PCGF3: variants seen among roughly 807,000 people sequenced by gnomAD.
PCGF3 encodes polycomb group RING finger protein 3.
In PCGF3, 7 loss-of-function variants were observed where a neutral mutation model predicts 33.1. That is an observed-to-expected ratio of 0.21 (90% confidence interval 0.12 to 0.40). PCGF3 has a LOEUF of 0.40. Ranked by LOEUF, PCGF3 falls within the 10% of genes least tolerant of loss-of-function variation. The pLI is 1.00. For synonymous variants in PCGF3, 153 were observed against 121.3 expected (o/e 1.26, Z -1.72); for missense variants, 211 against 313.3 (o/e 0.67, Z 2.46).
At chr4:761,066 T>TA (rs1745028303) in intron 8 of PCGF3, among the ~76,000 whole-genome samples, 1 of 152,250 alleles carries the variant, frequency 6.6e-6, no homozygotes, top group African/African-American at 2.4e-5. Context: ...AGGGTGAGGT[T>TA]ATAGTTCACA....
chr4:765,507 A>G (rs1363635239), intron 10 of PCGF3, among the ~76,000 whole-genome samples: 2 of 152,146 alleles, frequency 1.3e-5, no homozygotes, highest in African/African-American at 4.8e-5. Context: ...TGAAATCATC[A>G]ACCCCAGAGC....
chr4:742,258 A>G (rs1744127669), intron 6 of PCGF3, among the ~76,000 whole-genome samples: 2 of 149,864 alleles, frequency 1.3e-5, no homozygotes, highest in South Asian at 4.3e-4. Context: ...CTCTCTGCCC[A>G]GGCTCACGGG....
At chr4:752,261 C>T (rs1744550681) in intron 8 of PCGF3, among the ~76,000 whole-genome samples, 1 of 152,238 alleles carries the variant, frequency 6.6e-6, no homozygotes, top group African/African-American at 2.4e-5. Context: ...CTCCCGCAGT[C>T]CCTGCATCTG....
At position 751,576 on chromosome 4, in the gene PCGF3, C is replaced by T. The variant is rs575336144; in HGVS notation, c.462+6888C>T. 8.6e-5 allele frequency among the ~76,000 whole-genome samples: 13 copies of T among 151,738 alleles called. No homozygotes were observed. The East Asian group carries it at 1.5e-3, about 18-fold the overall frequency. ...AACTCTTAAGCCCTCCTCAGTCACT[C>T]GGATGAACTGATTAAATTCTGTGCT... On this transcript the variant is annotated intron_variant, in intron 8 of 10. Transcript: ENST00000362003.
At chr4:750,090 C>A (rs1560212410) in intron 8 of PCGF3, among the ~76,000 whole-genome samples, 1 of 152,252 alleles carries the variant, frequency 6.6e-6, no homozygotes. Context: ...CAGGCGTGAG[C>A]CCACGTGCCC....
intron 8 of PCGF3, among the ~76,000 whole-genome samples, chr4:754,189 C>T (rs1279833269): frequency 2.0e-5 from 3 of 152,206 alleles, no homozygotes; most frequent in Non-Finnish European, 1.5e-5. Flanking sequence ...ATACCCTGAG[C>T]AGGCTGGGGG....
chr4:733,570 A>G (rs970925980), intron 3 of PCGF3, 102 bp from the exon 4 acceptor site: 90 of 1,204,300 alleles, frequency 7.5e-5, no homozygotes, highest in Non-Finnish European at 9.8e-5. Context: ...CCCAGGCCTC[A>G]GGGCCTGCAC....
intron 8 of PCGF3, among the ~76,000 whole-genome samples, chr4:759,950 C>T (rs1434706759): frequency 6.9e-6 from 1 of 144,950 alleles, no homozygotes; most frequent in African/African-American, 2.5e-5. Context: ...GTCTTTCTCC[C>T]CACGGCCTCT....
chr4:753,631 A>T (rs1744628143), intron 8 of PCGF3, among the ~76,000 whole-genome samples: 1 of 147,604 alleles, frequency 6.8e-6, no homozygotes. Context: ...CGACAGAGCG[A>T]GAGTCCGGTC....
chr4:765,388 G>A (rs530815306), intron 10 of PCGF3, among the ~76,000 whole-genome samples: 6 of 151,816 alleles, frequency 4.0e-5, no homozygotes, highest in East Asian at 3.9e-4. Context: ...AGCCAAGATC[G>A]TGCCACTGCA....
intron 1 of PCGF3, among the ~76,000 whole-genome samples, chr4:728,642 CTGTT>C (rs1431393954): frequency 6.6e-6 from 1 of 152,146 alleles, no homozygotes; most frequent in African/African-American, 2.4e-5. Flanking sequence ...AATAATTGAC[CTGTT>C]TGTTAGTTAT....
intron 7 of PCGF3, 45 bp downstream of exon 7, chr4:743,629 C>T: frequency 8.9e-7 from 1 of 1,124,246 alleles, no homozygotes; most frequent in Non-Finnish European, 1.4e-6. Context: ...GAATCCCCTG[C>T]ATGAGGCCTT....
At chr4:765,357 C>G (rs180932330) in intron 10 of PCGF3, among the ~76,000 whole-genome samples, 1 of 151,844 alleles carries the variant, frequency 6.6e-6, no homozygotes. Flanking sequence ...GGTGTGAACC[C>G]GGGAGACGAA....
intron 6 of PCGF3, among the ~76,000 whole-genome samples, chr4:738,336 C>A (rs1045914424): frequency 3.3e-5 from 5 of 152,254 alleles, no homozygotes; most frequent in Non-Finnish European, 5.9e-5. Flanking sequence ...AGAGTTCATT[C>A]ATGCAGGAAG....
chr4:724,351 C>G (rs1743237467), intron 1 of PCGF3, among the ~76,000 whole-genome samples: 2 of 152,208 alleles, frequency 1.3e-5, no homozygotes. Context: ...TGTGGGCCAC[C>G]ACAGCCGGCC....
intron 1 of PCGF3, among the ~76,000 whole-genome samples, chr4:714,859 C>T (rs956223599): frequency 1.3e-5 from 2 of 152,244 alleles, no homozygotes; most frequent in African/African-American, 4.8e-5. Flanking sequence ...TTCAAAAGTC[C>T]CTTTACAGCA....
exon 11 of PCGF3, chr4:769,769 C>T (rs569453152): frequency 3.0e-5 from 4 of 135,202 alleles, no homozygotes; most frequent in South Asian, 2.1e-4. Flanking sequence ...GCCTATCAGA[C>T]GCATTTTCCC....
chr4:719,863 C>T (rs541142046), intron 1 of PCGF3, among the ~76,000 whole-genome samples: 2 of 152,152 alleles, frequency 1.3e-5, no homozygotes, highest in South Asian at 2.1e-4. Flanking sequence ...TAGCCCAGCT[C>T]CTCCCTTGGC....
intron 9 of PCGF3, 83 bp downstream of exon 9, chr4:761,499 GTTTTGT>G (rs1390323271): frequency 4.1e-6 from 6 of 1,452,956 alleles, no homozygotes; most frequent in African/African-American, 2.9e-5. Context: ...GCTTAGTTTT[GTTTTGT>G]TTTTAACAAT....
Sources: gnomAD v4.1 joint callset for allele counts (sites outside exome capture counted in the v4.1 genomes callset) on GRCh38, gnomAD v4.1.1 for gene constraint, MANE v1.5 for transcripts, NCBI Gene and HGNC (gene_info 2026-07-23, HGNC 2026-07-21) for gene names.